PHC2: variants seen among roughly 807,000 people sequenced by gnomAD.
PHC2 encodes polyhomeotic homolog 2, also known as polyhomeotic-like protein 2.
Under a neutral mutation model 87.4 loss-of-function variants are expected in PHC2, and 29 were observed. That is an observed-to-expected ratio of 0.33 (90% CI 0.25 to 0.45). PHC2 has a LOEUF of 0.45. PHC2 is among the 20% of genes least tolerant of loss of function. PHC2 has a pLI of 1.00. For synonymous variants in PHC2, 438 were observed against 461.7 expected (o/e 0.95, Z 0.66); for missense variants, 857 against 1,136.7 (o/e 0.75, Z 3.54).
Position 33,364,614 on chromosome 1 carries a change from C to A in PHC2, c.976+2502G>T, listed in dbSNP as rs1647341296. ...TTTTGTCCAGAGGCCCTGAGAGGAC[C>A]TTCCCCTACTAAAACTCCCCAGCTG... On this transcript the variant is annotated intron_variant, in intron 7 of 14. Coordinates refer to ENST00000683057, the MANE Select transcript of PHC2 (RefSeq NM_001385109.1). The surrounding 1 kb of genome is among the most constrained non-coding windows in gnomAD (Gnocchi z 4.1). Among the ~76,000 whole-genome samples, 1 of 152,170 alleles carries A rather than the reference C, an allele frequency of 6.6e-6. No homozygotes were observed. Among genetic ancestry groups the A allele is most frequent in the African/African-American group, 2.4e-5 (1 of 41,450 alleles).
chr1:33,358,108 C>CTA lies in PHC2; in HGVS notation c.977-2857_977-2856dup, dbSNP rs529788146. 2.0e-3 allele frequency among the ~76,000 whole-genome samples: 306 copies of CTA among 152,174 alleles called. 2 individuals are homozygous for CTA. Among genetic ancestry groups the CTA allele is most frequent in the African/African-American group, 6.8e-3 (281 of 41,500 alleles). On this transcript the variant is annotated intron_variant, in intron 7 of 14. Coordinates refer to ENST00000683057, the MANE Select transcript of PHC2 (RefSeq NM_001385109.1). Reference sequence around the variant, plus strand: ...CCACATCTAGAATTTGATGGAGTGGCTATAGCAGAAAAGTAGTTTACAATT... The same window carrying CTA: ...CCACATCTAGAATTTGATGGAGTGGCTATATAGCAGAAAAGTAGTTTACAATT...
intron 9 of PHC2, chr1:33,353,156 G>T (rs1481041910): frequency 6.6e-6 from 1 of 152,162 alleles, no homozygotes; most frequent in Admixed American, 6.5e-5. Context: ...TGACCAGAAT[G>T]GTGAGAATGG....
chr1:33,350,765 A>G (rs1646956894), intron 9 of PHC2, among the ~76,000 whole-genome samples: 2 of 149,458 alleles, frequency 1.3e-5, no homozygotes, highest in Non-Finnish European at 3.0e-5. Context: ...GTTTACATTT[A>G]TTTTACATTC....
Position 33,332,151 on chromosome 1 carries a change from G to T in PHC2, c.1891+124C>A. On this transcript the variant is annotated intron_variant, in intron 11 of 14. Transcript: ENST00000683057. The surrounding 1 kb of genome is among the most constrained non-coding windows in gnomAD (Gnocchi z 4.2). ...GAGGGAAGGAGGCTGAGGAGGTGCT[G>T]GGGGAAATGTTTACAGACTCGCTGG... 2 of 1,064,734 alleles carry T rather than the reference G, an allele frequency of 1.9e-6. No homozygotes were observed. The highest frequency in any genetic ancestry group is 1.6e-5 in the African/African-American group (1 of 63,662). 66.0% of individuals were successfully genotyped at this position (1,064,734 alleles called of 1,614,324 possible). A position where few individuals can be genotyped will look rare whatever the true frequency, so the allele number is the denominator to read the frequency against.
At chr1:33,344,922 A>G (rs144855867) in intron 9 of PHC2, among the ~76,000 whole-genome samples, 114 of 151,930 alleles carry the variant, frequency 7.5e-4, no homozygotes, top group Non-Finnish European at 1.4e-3. Context: ...TAGTTGCTTC[A>G]TATTAGTTTT....
chr1:33,364,031 AT>A lies in PHC2; in HGVS notation c.976+3084del, dbSNP rs1184744552. On this transcript the variant is annotated intron_variant, in intron 7 of 14. Transcript: ENST00000683057. The surrounding 1 kb of genome is among the most constrained non-coding windows in gnomAD (Gnocchi z 4.1). ...CTGCTCCCCCACCCCTATTCTCGGC[AT>A]AAGGGACCTTTTCTATTTGCAGAGC... The A allele has an allele frequency of 2.8e-6, 1 of 359,066 alleles. No homozygotes were observed. Among genetic ancestry groups the A allele is most frequent in the Non-Finnish European group, 3.9e-6 (1 of 259,072 alleles). 22.2% of individuals were successfully genotyped at this position (359,066 alleles called of 1,614,324 possible).
At chr1:33,415,264 A>T (rs1650157165) in intron 1 of PHC2, among the ~76,000 whole-genome samples, 1 of 152,214 alleles carries the variant, frequency 6.6e-6, no homozygotes, top group Non-Finnish European at 1.5e-5. Flanking sequence ...CATGCATGAT[A>T]GGAAACTACT....
At chr1:33,400,681 A>G (rs1649485872) in intron 1 of PHC2, among the ~76,000 whole-genome samples, 1 of 152,242 alleles carries the variant, frequency 6.6e-6, no homozygotes, top group South Asian at 2.1e-4. Context: ...GCTCTTAACC[A>G]CTATCACACA....
At chr1:33,326,916 A>G (rs114183374) in intron 14 of PHC2, among the ~76,000 whole-genome samples, 2,610 of 152,332 alleles carry the variant, frequency 0.017, 69 homozygotes, top group African/African-American at 0.059. Flanking sequence ...GCCATTGCAC[A>G]ATAGCCTGGG....
At chr1:33,405,372 G>A (rs1192579912) in intron 1 of PHC2, among the ~76,000 whole-genome samples, 1 of 151,950 alleles carries the variant, frequency 6.6e-6, no homozygotes, top group Non-Finnish European at 1.5e-5. Flanking sequence ...TGTATTTTTA[G>A]TAGAGACGGG....
chr1:33,385,901 A>G (rs1648721095), intron 1 of PHC2, among the ~76,000 whole-genome samples: 1 of 151,820 alleles, frequency 6.6e-6, no homozygotes, highest in Non-Finnish European at 1.5e-5. Context: ...GGTTCATGCA[A>G]TTCTCCTGCC....
rs1381104714 is a variant in PHC2, at chr1:33,368,209, T to A, written c.663+327A>T. ...TGTAACCGGAGCGGGACTTTCCACT[T>A]ATGAAGCAGCAGCAGCCAGACCAGC... is the stretch of plus-strand genomic sequence containing the variant. On this transcript the variant is annotated intron_variant, in intron 6 of 14. Coordinates refer to ENST00000683057, the MANE Select transcript of PHC2 (RefSeq NM_001385109.1). The surrounding 1 kb of genome is among the most constrained non-coding windows in gnomAD (Gnocchi z 6.6). Among the ~76,000 whole-genome samples, 1 of 152,110 alleles carries A rather than the reference T, an allele frequency of 6.6e-6. No individual in the cohort carries two copies. The highest frequency in any genetic ancestry group is 1.5e-5 in the Non-Finnish European group (1 of 68,018).
At chr1:33,372,808 A>G (rs1277791194) in intron 2 of PHC2, among the ~76,000 whole-genome samples, 1 of 152,204 alleles carries the variant, frequency 6.6e-6, no homozygotes, top group African/African-American at 2.4e-5. Context: ...CAGGCTTGTC[A>G]GGCACTCCTC....
intron 1 of PHC2, among the ~76,000 whole-genome samples, chr1:33,393,027 C>A (rs1221701946): frequency 6.6e-6 from 1 of 152,214 alleles, no homozygotes; most frequent in Non-Finnish European, 1.5e-5. Context: ...AGCAGGCCAT[C>A]TGATCCCTTC....
At position 33,368,961 on chromosome 1, in the gene PHC2, AC is replaced by A. The variant is rs1358338296; in HGVS notation, c.577-340del. On this transcript the variant is annotated intron_variant, in intron 5 of 14. Transcript: ENST00000683057. The surrounding 1 kb of genome is among the most constrained non-coding windows in gnomAD (Gnocchi z 6.6). ...CTGTGAGGGGCTCATCCTAGAGGAG[AC>A]CGATATCCCCAGGATACGCTGAAGC... 1.3e-5 allele frequency among the ~76,000 whole-genome samples: 2 copies of A among 151,992 alleles called. No individual in the cohort carries two copies. The highest frequency in any genetic ancestry group is 2.9e-5 in the Non-Finnish European group (2 of 67,970).
intron 1 of PHC2, among the ~76,000 whole-genome samples, chr1:33,429,631 G>A (rs1311543912): frequency 6.6e-6 from 1 of 152,140 alleles, no homozygotes; most frequent in Non-Finnish European, 1.5e-5. Context: ...ACTTTTACTA[G>A]CAATTTCATT....
chr1:33,353,446 G>A (rs1263714890), intron 9 of PHC2: 1 of 152,240 alleles, frequency 6.6e-6, no homozygotes, highest in East Asian at 1.9e-4. Flanking sequence ...TCATCTGCAA[G>A]TGTGCAAAGA....
intron 14 of PHC2, chr1:33,326,063 G>C (rs1646364569): frequency 1.1e-5 from 4 of 350,890 alleles, no homozygotes; most frequent in Middle Eastern, 7.0e-4. Flanking sequence ...TAGCAGAAAT[G>C]TAAGTTGAAT....
In PHC2 at chr1:33,349,382, G is replaced by A; in HGVS notation, c.1558+5019C>T. 1 of 985,422 alleles carries A rather than the reference G, an allele frequency of 1.0e-6. No homozygotes were observed. The highest frequency in any genetic ancestry group is 1.2e-6 in the Non-Finnish European group (1 of 829,954). The allele number at this position is 985,422 out of a possible 1,614,324, so 61.0% of individuals were successfully genotyped here. A position where few individuals can be genotyped will look rare whatever the true frequency, so the allele number is the denominator to read the frequency against. On this transcript the variant is annotated intron_variant, in intron 9 of 14. Coordinates refer to ENST00000683057, the MANE Select transcript of PHC2 (RefSeq NM_001385109.1). This position sits in a 1 kb window ranked among gnomAD's most constrained non-coding sequence, Gnocchi z 4.2. ...GCGCGCCGAGGTGACACGGCTTCCA[G>A]GGGCGACGGGCGCGCAGGGTCCCCA...
Sources: allele counts gnomAD v4.1 joint callset (sites outside exome capture counted in the v4.1 genomes callset), GRCh38; gene constraint gnomAD v4.1.1; non-coding constraint Gnocchi (gnomAD v3.1); transcripts MANE v1.5; gene names NCBI Gene and HGNC (gene_info 2026-07-23, HGNC 2026-07-21).